WWOX: variants seen among roughly 807,000 people sequenced by gnomAD.
WWOX encodes the protein WW domain containing oxidoreductase, also known as WW domain-containing oxidoreductase.
In WWOX, 69 loss-of-function variants were observed where a neutral mutation model predicts 46.2. The ratio of observed to expected loss-of-function variants is 1.49; its 90% CI spans 1.23 to 1.82. The LOEUF (loss-of-function observed/expected upper bound fraction) is 1.82. WWOX is among the 40% of genes most tolerant of loss of function. WWOX has a pLI of 0.00. For missense variants in WWOX, 919 were observed against 542.6 expected (o/e 1.69, Z -6.89); for synonymous variants, 359 against 202.6 (o/e 1.77, Z -6.56).
At chr16:78,624,165 T>C (rs925839717) in intron 8 of WWOX, among the ~76,000 whole-genome samples, 1 of 152,216 alleles carries the variant, frequency 6.6e-6, no homozygotes, top group Admixed American at 6.5e-5. Flanking sequence ...ATTTTTGCTT[T>C]TGAATTTCTG....
At chr16:78,874,397 C>G (rs761215405) in intron 8 of WWOX, among the ~76,000 whole-genome samples, 1 of 152,078 alleles carries the variant, frequency 6.6e-6, no homozygotes, top group Non-Finnish European at 1.5e-5. Flanking sequence ...GACGCAGTTG[C>G]TAAAGCTGTC....
chr16:78,863,175 C>T (rs971477497), intron 8 of WWOX, among the ~76,000 whole-genome samples: 2 of 152,096 alleles, frequency 1.3e-5, no homozygotes, highest in South Asian at 4.1e-4. Flanking sequence ...CCAGACTGGT[C>T]TCAAACTCCT....
chr16:78,770,129 A>G (rs1042195859), intron 8 of WWOX, among the ~76,000 whole-genome samples: 1 of 152,082 alleles, frequency 6.6e-6, no homozygotes, highest in Non-Finnish European at 1.5e-5. Context: ...AGGTGGGCCA[A>G]TCACTGAGGT....
intron 4 of WWOX, chr16:78,124,227 T>G (rs972989559): frequency 1.3e-5 from 2 of 152,206 alleles, no homozygotes; most frequent in Non-Finnish European, 2.9e-5. Flanking sequence ...TGAAAAACAT[T>G]GTGAATATAC....
chr16:78,745,994 G>C (rs2049339268), intron 8 of WWOX, among the ~76,000 whole-genome samples: 1 of 152,116 alleles, frequency 6.6e-6, no homozygotes, highest in Admixed American at 6.5e-5. Flanking sequence ...GTCTCAGAAG[G>C]CTACTGGGAA....
chr16:78,799,931 A>G (rs924623932), intron 8 of WWOX, among the ~76,000 whole-genome samples: 2 of 152,128 alleles, frequency 1.3e-5, no homozygotes, highest in Non-Finnish European at 2.9e-5. Context: ...TACGTCCTCC[A>G]TCTCAGGCAC....
chr16:79,135,796 A>C (rs1450157920), intron 8 of WWOX, among the ~76,000 whole-genome samples: 1 of 152,166 alleles, frequency 6.6e-6, no homozygotes, highest in Non-Finnish European at 1.5e-5. Context: ...TCTTAATTTT[A>C]CATTGTAATT....
chr16:79,052,201 C>T (rs1338448829), intron 8 of WWOX, among the ~76,000 whole-genome samples: 7 of 151,394 alleles, frequency 4.6e-5, no homozygotes, highest in Non-Finnish European at 8.8e-5. Context: ...CCCCCCACCC[C>T]ACCACAGTCC....
intron 8 of WWOX, among the ~76,000 whole-genome samples, chr16:79,197,006 A>C (rs912397780): frequency 6.6e-6 from 1 of 152,184 alleles, no homozygotes; most frequent in African/African-American, 2.4e-5. Context: ...TAACTGAGGC[A>C]ACGTTGCAAC....
intron 4 of WWOX, among the ~76,000 whole-genome samples, chr16:78,155,072 T>A (rs908345555): frequency 6.6e-6 from 1 of 152,142 alleles, no homozygotes; most frequent in African/African-American, 2.4e-5. Flanking sequence ...CCCAGTGGTG[T>A]AAGCTTTTTC....
At chr16:78,768,279 TAAAAAAA>T (rs56280651) in intron 8 of WWOX, among the ~76,000 whole-genome samples, 2 of 91,962 alleles carry the variant, frequency 2.2e-5, no homozygotes, top group South Asian at 7.9e-4. Context: ...ATAGATGAGT[TAAAAAAA>T]AAAAAAAAAA....
intron 8 of WWOX, among the ~76,000 whole-genome samples, chr16:78,740,786 G>C (rs980219273): frequency 1.3e-5 from 2 of 152,146 alleles, no homozygotes; most frequent in Non-Finnish European, 2.9e-5. Context: ...GCAGCACTCT[G>C]TGTGTGTACG....
intron 8 of WWOX, among the ~76,000 whole-genome samples, chr16:79,084,687 A>G (rs1428213842): frequency 6.6e-6 from 1 of 152,202 alleles, no homozygotes; most frequent in African/African-American, 2.4e-5. Flanking sequence ...TGCTGGGATT[A>G]CAGGCATGAG....
At chr16:78,465,898 C>A (rs893392507) in intron 8 of WWOX, among the ~76,000 whole-genome samples, 2 of 152,148 alleles carry the variant, frequency 1.3e-5, no homozygotes, top group East Asian at 3.9e-4. Flanking sequence ...TAAGAGGTCA[C>A]ATAGGATATT....
At chr16:79,168,790 T>A (rs966924856) in intron 8 of WWOX, among the ~76,000 whole-genome samples, 12 of 152,188 alleles carry the variant, frequency 7.9e-5, no homozygotes, top group African/African-American at 2.9e-4. Flanking sequence ...GGAGCTTGTT[T>A]GTATCCAGCT....
At chr16:78,668,002 G>T (rs756895571) in intron 8 of WWOX, among the ~76,000 whole-genome samples, 4 of 152,094 alleles carry the variant, frequency 2.6e-5, no homozygotes, top group Non-Finnish European at 5.9e-5. Context: ...AACTTGGCTG[G>T]GTGCGGTGGC....
chr16:79,195,538 G>A (rs1358630862), intron 8 of WWOX, among the ~76,000 whole-genome samples: 1 of 152,140 alleles, frequency 6.6e-6, no homozygotes, highest in Non-Finnish European at 1.5e-5. Context: ...GGGGATCTCA[G>A]CAGCACACTA....
intron 5 of WWOX, among the ~76,000 whole-genome samples, chr16:78,236,058 A>G (rs1689242351): frequency 6.6e-6 from 1 of 152,214 alleles, no homozygotes; most frequent in Admixed American, 6.5e-5. Flanking sequence ...TGTTCCAATA[A>G]AACTTTATTT....
intron 5 of WWOX, among the ~76,000 whole-genome samples, chr16:78,175,529 A>C (rs1288535374): frequency 6.6e-6 from 1 of 152,042 alleles, no homozygotes. Context: ...TGGATCACTC[A>C]CCAGCCACCA....
Sources: gnomAD v4.1 joint callset for allele counts (sites outside exome capture counted in the v4.1 genomes callset) on GRCh38, gnomAD v4.1.1 for gene constraint, MANE v1.5 for transcripts, NCBI Gene and HGNC (gene_info 2026-07-23, HGNC 2026-07-21) for gene names.